Variants in NELL1 observed in about 807,000 individuals in gnomAD.
The protein encoded by NELL1 is neural EGFL like 1.
In NELL1, 76 loss-of-function variants were observed where a neutral mutation model predicts 107.4. That is an observed-to-expected ratio of 0.71 (90% CI 0.59 to 0.86). The LOEUF is 0.86. Ranked by LOEUF, NELL1 falls within the 40% of genes least tolerant of loss-of-function variation. The probability of loss-of-function intolerance (pLI) is 0.00; values close to 1 mark genes in which losing one functional copy is unlikely to be tolerated. For missense variants in NELL1, 1,024 were observed against 1,005.5 expected (o/e 1.02, Z -0.25); for synonymous variants, 353 against 341.2 (o/e 1.03, Z -0.38).
At chr11:21,054,378 A>G (rs943368760) in intron 12 of NELL1, among the ~76,000 whole-genome samples, 1 of 152,074 alleles carries the variant, frequency 6.6e-6, no homozygotes, top group Admixed American at 6.6e-5. Flanking sequence ...AATGTTTAAT[A>G]TTGTTTAAAC....
chr11:20,803,168 A>C (rs1857313489), intron 3 of NELL1, among the ~76,000 whole-genome samples: 1 of 152,048 alleles, frequency 6.6e-6, no homozygotes, highest in Non-Finnish European at 1.5e-5. Context: ...TGTTTGGCAA[A>C]ATTCAGCAGT....
intron 13 of NELL1, among the ~76,000 whole-genome samples, chr11:21,221,588 T>C (rs913351237): frequency 2.6e-5 from 4 of 152,220 alleles, no homozygotes; most frequent in African/African-American, 9.6e-5. Flanking sequence ...AGTTTTCCTA[T>C]TTCTTTCTGC....
intron 16 of NELL1, among the ~76,000 whole-genome samples, chr11:21,538,716 T>G (rs149667384): frequency 3.3e-5 from 5 of 152,262 alleles, no homozygotes; most frequent in African/African-American, 1.2e-4. Flanking sequence ...ATTGCTTTTT[T>G]GTCTAGGCAT....
At position 21,232,147 on chromosome 11, in the gene NELL1, T is replaced by TA. The variant is rs869244876; in HGVS notation, c.1549+2706dup. 4.6e-3 allele frequency among the ~76,000 whole-genome samples: 420 copies of TA among 90,490 alleles called. 6 individuals are homozygous for TA. The highest frequency in any genetic ancestry group is 0.015 in the African/African-American group (412 of 26,612). 59.4% of individuals were successfully genotyped at this position (90,490 alleles called of 152,430 possible). ...AAACTCCATCTCTACTAAAAAAAAA[T>TA]AAAAAAAAAAAAATATATATATATA... On this transcript the variant is annotated intron_variant, in intron 14 of 19. Coordinates refer to ENST00000357134, the MANE Select transcript of NELL1 (RefSeq NM_006157.5).
rs147935674 is a variant in NELL1 at position 20,854,273 on chromosome 11, G to A, written c.506+6520G>A. Among the ~76,000 whole-genome samples the A allele has an allele frequency of 2.5e-3, 384 of 152,220 alleles. 1 individual carries two copies. Among genetic ancestry groups the A allele is most frequent in the Non-Finnish European group, 4.5e-3 (307 of 68,012 alleles). On this transcript the variant is annotated intron_variant, in intron 4 of 19. Coordinates refer to ENST00000357134, the MANE Select transcript of NELL1 (RefSeq NM_006157.5). ...AGTCCAAGTCCTTTACTGTCTCTGGGCTTTAGCTTCCTAAGTATAAAATGT... is the reference window on the plus strand; with the variant it reads ...AGTCCAAGTCCTTTACTGTCTCTGGACTTTAGCTTCCTAAGTATAAAATGT...
chr11:21,468,498 A>G (rs1854088133), intron 15 of NELL1, among the ~76,000 whole-genome samples: 1 of 152,036 alleles, frequency 6.6e-6, no homozygotes, highest in Admixed American at 6.6e-5. Flanking sequence ...TTACAGTGTG[A>G]ATTATCTGTA....
intron 2 of NELL1, among the ~76,000 whole-genome samples, chr11:20,706,578 A>C (rs1854964212): frequency 6.6e-6 from 1 of 151,576 alleles, no homozygotes; most frequent in Non-Finnish European, 1.5e-5. Flanking sequence ...CTAAATGATG[A>C]GTTAGTGGGT....
At chr11:21,168,039 TTATGAA>T (rs1440699299) in intron 13 of NELL1, among the ~76,000 whole-genome samples, 1 of 151,798 alleles carries the variant, frequency 6.6e-6, no homozygotes, top group Non-Finnish European at 1.5e-5. Context: ...ATTTTAAGCT[TTATGAA>T]TGGTGGGGGG....
intron 2 of NELL1, among the ~76,000 whole-genome samples, chr11:20,688,841 C>T (rs1387283257): frequency 1.3e-5 from 2 of 152,276 alleles, no homozygotes; most frequent in African/African-American, 4.8e-5. Flanking sequence ...TGGCTGCACT[C>T]ATTCACATTC....
At chr11:20,980,934 C>A (rs1364002080) in intron 12 of NELL1, among the ~76,000 whole-genome samples, 1 of 152,316 alleles carries the variant, frequency 6.6e-6, no homozygotes, top group East Asian at 1.9e-4. Flanking sequence ...AGTCAGTGAG[C>A]AATACCTCCA....
intron 15 of NELL1, among the ~76,000 whole-genome samples, chr11:21,531,303 C>T (rs962362572): frequency 6.6e-6 from 1 of 152,098 alleles, no homozygotes; most frequent in Non-Finnish European, 1.5e-5. Context: ...TTTAGCTCAA[C>T]AGATATTTAC....
At chr11:20,993,905 A>T (rs1461371040) in intron 12 of NELL1, among the ~76,000 whole-genome samples, 1 of 152,132 alleles carries the variant, frequency 6.6e-6, no homozygotes, top group Non-Finnish European at 1.5e-5. Flanking sequence ...AAAAAAAAAA[A>T]AAAAAATCAG....
intron 13 of NELL1, among the ~76,000 whole-genome samples, chr11:21,141,520 C>G (rs1418107385): frequency 6.6e-6 from 1 of 152,060 alleles, no homozygotes; most frequent in Non-Finnish European, 1.5e-5. Flanking sequence ...CCCATCTCTA[C>G]TAGAGATGTG....
At chr11:20,885,368 T>C in intron 4 of NELL1, 76 bp from the exon 5 acceptor site, 1 of 876,172 alleles carries the variant, frequency 1.1e-6, no homozygotes, top group Non-Finnish European at 2.0e-6. Flanking sequence ...ATGGCATGCA[T>C]ACTTCAAACA....
intron 15 of NELL1, among the ~76,000 whole-genome samples, chr11:21,407,905 C>T (rs1341569461): frequency 6.6e-6 from 1 of 152,006 alleles, no homozygotes; most frequent in South Asian, 2.1e-4. Flanking sequence ...CAAATACTCT[C>T]ATACTCCATA....
intron 12 of NELL1, among the ~76,000 whole-genome samples, chr11:21,096,347 C>G (rs555074108): frequency 1.8e-4 from 28 of 152,330 alleles, no homozygotes; most frequent in Middle Eastern, 3.4e-3. Flanking sequence ...TGTCTCTCAG[C>G]CTTTTTGAAT....
chr11:20,867,190 A>G (rs981572858), intron 4 of NELL1, among the ~76,000 whole-genome samples: 2 of 152,224 alleles, frequency 1.3e-5, no homozygotes, highest in African/African-American at 4.8e-5. Flanking sequence ...ATGAGGGGAA[A>G]GTAGAATGAA....
At chr11:21,272,209 C>G (rs1202567862) in intron 14 of NELL1, among the ~76,000 whole-genome samples, 1 of 152,212 alleles carries the variant, frequency 6.6e-6, no homozygotes, top group East Asian at 1.9e-4. Context: ...CACCCTAATA[C>G]TGCACTTTTC....
intron 2 of NELL1, among the ~76,000 whole-genome samples, chr11:20,695,206 G>C (rs991112178): frequency 1.3e-5 from 2 of 152,014 alleles, no homozygotes; most frequent in East Asian, 1.9e-4. Context: ...TAGTCTTCAG[G>C]GTTTTCTAGG....
Sources: gnomAD v4.1 joint callset for allele counts (sites outside exome capture counted in the v4.1 genomes callset) on GRCh38, gnomAD v4.1.1 for gene constraint, MANE v1.5 for transcripts, NCBI Gene and HGNC (gene_info 2026-07-23, HGNC 2026-07-21) for gene names.